The following ADGRG6 variants were observed in gnomAD, a reference collection of about 807,000 sequenced individuals.
ADGRG6 encodes the protein adhesion G protein-coupled receptor G6, also known as G-protein coupled receptor 126.
ADGRG6 carries 84 observed loss-of-function variants against 142.4 expected under a neutral mutation model. The observed-to-expected ratio is 0.59, with a 90% CI of 0.49 to 0.71. ADGRG6 has a LOEUF of 0.71. Ranked by LOEUF, ADGRG6 falls within the 30% of genes least tolerant of loss-of-function variation. ADGRG6 has a pLI of 0.00. For missense variants in ADGRG6, 1,367 were observed against 1,466.6 expected, an observed-to-expected ratio of 0.93 and a Z score of 1.11; for synonymous variants, 521 against 520.5, an observed-to-expected ratio of 1.00 and a Z score of -0.01.
intron 2 of ADGRG6, among the ~76,000 whole-genome samples, chr6:142,318,911 T>C (rs769840952): frequency 3.9e-5 from 6 of 152,180 alleles, no homozygotes; most frequent in Admixed American, 1.3e-4. Flanking sequence ...GAATGAGGAC[T>C]TCCAGCCCAG....
intron 1 of ADGRG6, among the ~76,000 whole-genome samples, chr6:142,306,129 T>C (rs1469231730): frequency 2.0e-5 from 3 of 152,194 alleles, no homozygotes; most frequent in African/African-American, 7.2e-5. Flanking sequence ...CTGGTATTGA[T>C]TGCATTAGTA....
At chr6:142,390,747 C>T (rs1774853048) in intron 7 of ADGRG6, among the ~76,000 whole-genome samples, 1 of 151,856 alleles carries the variant, frequency 6.6e-6, no homozygotes, top group Non-Finnish European at 1.5e-5. Context: ...CCCATCCTTG[C>T]TGCTCATCTG....
intron 12 of ADGRG6, 58 bp downstream of exon 12, chr6:142,402,116 A>G: frequency 3.9e-6 from 3 of 778,120 alleles, no homozygotes; most frequent in South Asian, 3.2e-5. Flanking sequence ...TTCATGCTTC[A>G]TGATTTTCAT....
chr6:142,326,307 CAAA>C (rs74763325), intron 2 of ADGRG6, among the ~76,000 whole-genome samples: 2 of 131,554 alleles, frequency 1.5e-5, no homozygotes. Flanking sequence ...GTCCTCCCAG[CAAA>C]AAAAAAAAAA....
chr6:142,429,188 G>T (rs1013735642), intron 22 of ADGRG6, among the ~76,000 whole-genome samples: 1 of 152,100 alleles, frequency 6.6e-6, no homozygotes, highest in African/African-American at 2.4e-5. Context: ...AGAGAAATGC[G>T]TATTATTATT....
intron 3 of ADGRG6, 94 bp from the exon 4 acceptor site, chr6:142,370,076 T>C: frequency 3.9e-6 from 4 of 1,035,742 alleles, no homozygotes; most frequent in Non-Finnish European, 5.5e-6. Context: ...AAAAGTTAAC[T>C]AGTAGAAAGC....
intron 4 of ADGRG6, among the ~76,000 whole-genome samples, chr6:142,380,406 AC>A (rs1398653131): frequency 1.3e-5 from 2 of 152,120 alleles, no homozygotes; most frequent in Non-Finnish European, 2.9e-5. Context: ...TTGAGTGCCC[AC>A]CACTCAAGGT....
At chr6:142,354,039 T>C (rs1328661245) in intron 2 of ADGRG6, among the ~76,000 whole-genome samples, 2 of 152,332 alleles carry the variant, frequency 1.3e-5, no homozygotes, top group African/African-American at 4.8e-5. Context: ...TAGGAGCAAC[T>C]TAGAAACCAG....
chr6:142,312,412 C>T (rs1324475479), intron 2 of ADGRG6, among the ~76,000 whole-genome samples: 1 of 151,958 alleles, frequency 6.6e-6, no homozygotes, highest in Non-Finnish European at 1.5e-5. Context: ...GGAAAAATAG[C>T]TCACTGTGTC....
At chr6:142,362,442 G>A (rs1780768958) in intron 2 of ADGRG6, among the ~76,000 whole-genome samples, 1 of 152,166 alleles carries the variant, frequency 6.6e-6, no homozygotes, top group South Asian at 2.1e-4. Context: ...AGAAGTTCTG[G>A]TAGGGGATTG....
chr6:142,421,304 G>A (rs1776641710), intron 22 of ADGRG6, among the ~76,000 whole-genome samples: 1 of 152,106 alleles, frequency 6.6e-6, no homozygotes, highest in Non-Finnish European at 1.5e-5. Flanking sequence ...GCATAAATAT[G>A]TATTAACTAG....
At chr6:142,349,254 T>C (rs1221740985) in intron 2 of ADGRG6, among the ~76,000 whole-genome samples, 3 of 152,158 alleles carry the variant, frequency 2.0e-5, no homozygotes, top group African/African-American at 7.2e-5. Flanking sequence ...AGATAGAGAT[T>C]AGAATGCAGG....
In ADGRG6 at chr6:142,302,227, T is replaced by A; in HGVS notation, c.-103T>A. The A allele has an allele frequency of 7.2e-7, 1 of 1,385,056 alleles. No individual in the cohort carries two copies. The highest frequency in any genetic ancestry group is 1.0e-6 in the Non-Finnish European group (1 of 1,001,154). The allele number at this position is 1,385,056 out of a possible 1,614,324, so 85.8% of individuals were successfully genotyped here. ...GGAGGGTCCCGCCGCGGCGCAGGGCTGGGGCGCCTGGGTTCCCCCTGGGTG... is the reference window on the plus strand; with the variant it reads ...GGAGGGTCCCGCCGCGGCGCAGGGCAGGGGCGCCTGGGTTCCCCCTGGGTG... On this transcript the variant is annotated 5_prime_UTR_variant, in exon 1 of 25. Coordinates refer to ENST00000367609, the MANE Select transcript of ADGRG6 (RefSeq NM_198569.3).
At chr6:142,372,302 C>T (rs1431897767) in intron 4 of ADGRG6, among the ~76,000 whole-genome samples, 1 of 152,140 alleles carries the variant, frequency 6.6e-6, no homozygotes, top group African/African-American at 2.4e-5. Flanking sequence ...TAGTCACAGA[C>T]ATAACTCTCA....
In ADGRG6 at chr6:142,338,027, T is replaced by TTTTTTTTTTTTTTTG. The variant is rs892007926; in HGVS notation, c.103+28394_103+28395insTTTGTTTTTTTTTTT. 1.6e-3 allele frequency among the ~76,000 whole-genome samples: 95 copies of TTTTTTTTTTTTTTTG among 57,996 alleles called. 6 individuals are homozygous for TTTTTTTTTTTTTTTG. Among genetic ancestry groups the TTTTTTTTTTTTTTTG allele is most frequent in the African/African-American group, 3.2e-3 (58 of 17,928 alleles). 38.0% of individuals were successfully genotyped at this position (57,996 alleles called of 152,430 possible). On this transcript the variant is annotated intron_variant, in intron 2 of 24. Coordinates refer to ENST00000367609, the MANE Select transcript of ADGRG6 (RefSeq NM_198569.3). Reference sequence around the variant, plus strand: ...ATGCCTTGTATCTTTGTTTTTTTTTTTTTTTTTTTTTGAGACGGAGTCTCG... The same window carrying TTTTTTTTTTTTTTTG: ...ATGCCTTGTATCTTTGTTTTTTTTTTTTTTTTTTTTTTTTGTTTTTTTTTTTGAGACGGAGTCTCG...
At chr6:142,334,946 C>T (rs1336445047) in intron 2 of ADGRG6, among the ~76,000 whole-genome samples, 1 of 151,878 alleles carries the variant, frequency 6.6e-6, no homozygotes, top group Non-Finnish European at 1.5e-5. Context: ...TGTTTAAAAC[C>T]TGTGGGAGTG....
Position 142,348,628 on chromosome 6 carries a change from GT to G in ADGRG6, c.104-18929del, listed in dbSNP as rs755316750. 5.8e-3 allele frequency among the ~76,000 whole-genome samples: 831 copies of G among 143,016 alleles called. 8 individuals are homozygous for G. Among genetic ancestry groups the G allele is most frequent in the African/African-American group, 0.016 (647 of 39,376 alleles). 93.8% of individuals were successfully genotyped at this position (143,016 alleles called of 152,430 possible). A position where few individuals can be genotyped will look rare whatever the true frequency, so the allele number is the denominator to read the frequency against. ...AAGCAATATTTGAATGTGAGGGGTG[GT>G]TTTTTTTTTTTAGATATTTAGACTT... On this transcript the variant is annotated intron_variant, in intron 2 of 24. Coordinates refer to ENST00000367609, the MANE Select transcript of ADGRG6 (RefSeq NM_198569.3).
chr6:142,363,449 T>A (rs1176710732), intron 2 of ADGRG6, among the ~76,000 whole-genome samples: 3 of 152,184 alleles, frequency 2.0e-5, no homozygotes, highest in Non-Finnish European at 4.4e-5. Context: ...TAGAGTTTCA[T>A]TGAAAAATAA....
At chr6:142,321,679 G>T (rs184556383) in intron 2 of ADGRG6, among the ~76,000 whole-genome samples, 156 of 152,184 alleles carry the variant, frequency 1.0e-3, no homozygotes, top group Non-Finnish European at 1.4e-3. Flanking sequence ...AACACTGGTG[G>T]CCTCTAGGGA....
Sources: allele counts gnomAD v4.1 joint callset (sites outside exome capture counted in the v4.1 genomes callset), GRCh38; gene constraint gnomAD v4.1.1; transcripts MANE v1.5; gene names NCBI Gene and HGNC (gene_info 2026-07-23, HGNC 2026-07-21).